ZSWIM5: variants seen among roughly 807,000 people sequenced by gnomAD.
ZSWIM5 encodes the protein zinc finger SWIM domain-containing protein 5.
A neutral mutation model predicts 119.6 loss-of-function variants in ZSWIM5; 55 were observed. The observed-to-expected ratio is 0.46, with a 90% CI of 0.37 to 0.58. The LOEUF (loss-of-function observed/expected upper bound fraction) is 0.58. ZSWIM5 is among the 20% of genes least tolerant of loss of function. The pLI is 0.00. For missense variants in ZSWIM5, 1,193 were observed against 1,512.8 expected, an observed-to-expected ratio of 0.79 and a Z score of 3.51; for synonymous variants, 537 against 606.9, an observed-to-expected ratio of 0.88 and a Z score of 1.69.
At chr1:45,026,345 G>C (rs959519882) in intron 11 of ZSWIM5, among the ~76,000 whole-genome samples, 1 of 151,910 alleles carries the variant, frequency 6.6e-6, no homozygotes, top group African/African-American at 2.4e-5. Flanking sequence ...GGTAATTGTA[G>C]GTTTTTTTGT....
chr1:45,205,725 A>G (rs892927571), intron 1 of ZSWIM5, 31 bp downstream of exon 1: 6 of 1,518,022 alleles, frequency 4.0e-6, no homozygotes, highest in Non-Finnish European at 5.3e-6. Context: ...GAGGAGGCTG[A>G]GGACCCGAGA....
chr1:45,022,761 G>T (rs2148986837), intron 11 of ZSWIM5, among the ~76,000 whole-genome samples: 1 of 152,230 alleles, frequency 6.6e-6, no homozygotes, highest in African/African-American at 2.4e-5. Flanking sequence ...GTGGGGGATT[G>T]GTTCCATGAC....
intron 1 of ZSWIM5, among the ~76,000 whole-genome samples, chr1:45,094,834 ATCACTGTACTCC>A: frequency 6.6e-6 from 1 of 151,610 alleles, no homozygotes. Context: ...CCAAGATCAT[ATCACTGTACTCC>A]AGAACAAGGC....
chr1:45,150,186 A>AAG lies in ZSWIM5; in HGVS notation c.595+55569_595+55570insCT, dbSNP rs201671032. Among the ~76,000 whole-genome samples, 786 of 150,600 alleles carry AAG rather than the reference A, an allele frequency of 5.2e-3. 7 individuals carry two copies. Among genetic ancestry groups the AAG allele is most frequent in the African/African-American group, 0.017 (698 of 40,822 alleles). On this transcript the variant is annotated intron_variant, in intron 1 of 13. Transcript: ENST00000359600. ...CTCTATCTCTTAAAAAAAAAAAAAAAAAAAAGAAAAAGAAAAGAAAAAAAG... is the reference window on the plus strand; with the variant it reads ...CTCTATCTCTTAAAAAAAAAAAAAAAAGAAAAAGAAAAAGAAAAGAAAAAAAG...
At chr1:45,157,725 C>T (rs1224652235) in intron 1 of ZSWIM5, among the ~76,000 whole-genome samples, 2 of 152,102 alleles carry the variant, frequency 1.3e-5, no homozygotes, top group Non-Finnish European at 2.9e-5. Flanking sequence ...GAGAATTTCT[C>T]GGTCATAGGG....
chr1:45,111,761 A>T (rs1645519973), intron 1 of ZSWIM5, among the ~76,000 whole-genome samples: 1 of 152,230 alleles, frequency 6.6e-6, no homozygotes, highest in Admixed American at 6.5e-5. Context: ...ACTTATAAGG[A>T]TGTATGTGGT....
At chr1:45,138,727 CA>C (rs1212006332) in intron 1 of ZSWIM5, among the ~76,000 whole-genome samples, 1 of 151,922 alleles carries the variant, frequency 6.6e-6, no homozygotes, top group Non-Finnish European at 1.5e-5. Context: ...CAGGGGAGAT[CA>C]GGGGGTCAGG....
chr1:45,040,691 T>C (rs1645013569), intron 6 of ZSWIM5, among the ~76,000 whole-genome samples, 153 bp from the exon 7 acceptor site: 1 of 152,190 alleles, frequency 6.6e-6, no homozygotes, highest in African/African-American at 2.4e-5. Flanking sequence ...TTTAAGGATA[T>C]AAAAAGTTGA....
At chr1:45,146,295 A>G (rs935109203) in intron 1 of ZSWIM5, among the ~76,000 whole-genome samples, 6 of 151,878 alleles carry the variant, frequency 4.0e-5, no homozygotes, top group African/African-American at 1.5e-4. Context: ...TTTTTTCAGC[A>G]CTTATAACTA....
chr1:45,054,327 G>A (rs559486375), intron 4 of ZSWIM5, among the ~76,000 whole-genome samples: 15 of 151,770 alleles, frequency 9.9e-5, no homozygotes, highest in African/African-American at 3.4e-4. Context: ...TCATGTCTAT[G>A]GTCCCAGCAC....
At position 45,019,540 on chromosome 1, in the gene ZSWIM5, G is replaced by T. The variant is rs572393552; in HGVS notation, c.2696-224C>A. On this transcript the variant is annotated intron_variant, in intron 13 of 13. Coordinates refer to ENST00000359600, the MANE Select transcript of ZSWIM5 (RefSeq NM_020883.2). The surrounding 1 kb of genome is among the most constrained non-coding windows in gnomAD (Gnocchi z 5.0). ...CTTTCCCCAGGTCAGAGAGTTGAAG[G>T]TTTCTGCAGGTGCTCTTAGCCCCTC... Among the ~76,000 whole-genome samples, 305 of 152,310 alleles carry T rather than the reference G, an allele frequency of 2.0e-3. 1 individual carries two copies. The highest frequency in any genetic ancestry group is 3.0e-3 in the Non-Finnish European group (205 of 68,034).
At chr1:45,193,833 A>T (rs1008983125) in intron 1 of ZSWIM5, among the ~76,000 whole-genome samples, 9 of 152,154 alleles carry the variant, frequency 5.9e-5, no homozygotes, top group Non-Finnish European at 1.0e-4. Flanking sequence ...CCTATGAAGT[A>T]GGTACCATCA....
chr1:45,050,456 A>G (rs890303738), intron 5 of ZSWIM5, among the ~76,000 whole-genome samples: 7 of 152,222 alleles, frequency 4.6e-5, no homozygotes, highest in African/African-American at 1.7e-4. Flanking sequence ...ATCAATTGAC[A>G]ACATCAAATA....
chr1:45,169,307 A>G (rs572970550), intron 1 of ZSWIM5, among the ~76,000 whole-genome samples: 1 of 152,204 alleles, frequency 6.6e-6, no homozygotes, highest in East Asian at 1.9e-4. Flanking sequence ...AAATGAGATA[A>G]TGCATGTAAA....
intron 2 of ZSWIM5, among the ~76,000 whole-genome samples, chr1:45,075,963 A>G (rs1645254391): frequency 6.6e-6 from 1 of 150,536 alleles, no homozygotes; most frequent in South Asian, 2.1e-4. Flanking sequence ...AACAACTTAC[A>G]CTGTTTAAAT....
chr1:45,170,221 T>G (rs959774228), intron 1 of ZSWIM5, among the ~76,000 whole-genome samples: 3 of 152,070 alleles, frequency 2.0e-5, no homozygotes, highest in Admixed American at 2.0e-4. Flanking sequence ...AAGTATGTAA[T>G]TTTTGAAAAA....
At chr1:45,188,294 A>G (rs1194566925) in intron 1 of ZSWIM5, among the ~76,000 whole-genome samples, 2 of 152,258 alleles carry the variant, frequency 1.3e-5, no homozygotes, top group Non-Finnish European at 2.9e-5. Flanking sequence ...TATATGTTAC[A>G]CATTTATGGA....
rs1645212638 is a variant in ZSWIM5 at position 45,070,163 on chromosome 1, T to C, written c.953-9916A>G. 5 of 1,254,770 alleles carry C rather than the reference T, an allele frequency of 4.0e-6. No homozygotes were observed. The Admixed American group carries it at 5.1e-5, about 13-fold the overall frequency. 77.7% of individuals were successfully genotyped at this position (1,254,770 alleles called of 1,614,324 possible). ...CTCCCACTGTAAACAGGAAGCTGGATGCAAGTCCTTCCATAATATACTGTC... is the reference window on the plus strand; with the variant it reads ...CTCCCACTGTAAACAGGAAGCTGGACGCAAGTCCTTCCATAATATACTGTC... On this transcript the variant is annotated intron_variant, in intron 2 of 13. Transcript: ENST00000359600.
rs768817597 is a variant in ZSWIM5 at position 45,035,809 on chromosome 1, C to T, written c.2170G>A (p.Gly724Ser). 5.6e-6 allele frequency: 9 copies of T among 1,611,844 alleles called. No homozygotes were observed. The highest frequency in any genetic ancestry group is 2.7e-5 in the African/African-American group (2 of 74,354). Residue 724 changes from glycine (G) to serine (S), a missense_variant, in exon 10 of 14, where the codon GGT becomes AGT. Physicochemically the swap from Gly to Ser is moderately conservative, Grantham distance 56. Coordinates refer to ENST00000359600, the MANE Select transcript of ZSWIM5 (RefSeq NM_020883.2). ...ILLLEGGPFSGLGEVIHRESV... is the reference protein window; with the variant it reads ...ILLLEGGPFSSLGEVIHRESV... ...TCTCGGTGGATGACTTCTCCCAGACCGCTGAAAGGACCTCCTGGAGGAAGA... is the reference window on the plus strand; with the variant it reads ...TCTCGGTGGATGACTTCTCCCAGACTGCTGAAAGGACCTCCTGGAGGAAGA...
Sources: gnomAD v4.1 joint callset for allele counts (sites outside exome capture counted in the v4.1 genomes callset) on GRCh38, gnomAD v4.1.1 for gene constraint, Gnocchi (gnomAD v3.1) non-coding constraint, MANE v1.5 for transcripts, NCBI Gene and HGNC (gene_info 2026-07-23, HGNC 2026-07-21) for gene names.